MED12: variants seen among roughly 807,000 people sequenced by gnomAD.
The protein encoded by MED12 is mediator complex subunit 12.
In MED12, 10 loss-of-function variants were observed where a neutral mutation model predicts 177.7. The ratio of observed to expected loss-of-function variants is 0.06; its 90% CI spans 0.03 to 0.10. The LOEUF is 0.10. MED12 is among the 10% of genes least tolerant of loss of function. The pLI is 1.00. For synonymous variants in MED12, 641 were observed against 678.4 expected, an observed-to-expected ratio of 0.94 and a Z score of 0.86; for missense variants, 867 against 1,780.8, an observed-to-expected ratio of 0.49 and a Z score of 9.23.
At chrX:71,125,574 C>G in intron 16 of MED12, 79 bp downstream of exon 16, 1 of 1,179,895 alleles carries the variant, frequency 8.5e-7, no homozygotes, top group Non-Finnish European at 1.2e-6. Flanking sequence ...TAGGGAACTC[C>G]CCAGTCATGT....
At chrX:71,119,322 T>G (rs2092283322) in intron 1 of MED12, 51 bp from the exon 2 acceptor site, 2 of 926,032 alleles carry the variant, frequency 2.2e-6, no homozygotes, top group Non-Finnish European at 3.1e-6. Context: ...CTCCCACCCC[T>G]TCCCCCTTCC....
In MED12 at chrX:71,140,857, G is replaced by T; in HGVS notation, c.6267G>T (p.Arg2089=). Residue 2089 remains arginine, a splice_region_variant and synonymous_variant, in exon 42 of 45, where the codon CGG becomes CGT. Transcript: ENST00000374080. ...AGCAGCAGCAGCAGCAGATCCTGCG[G>T]GTAAGGCACTGGGATTTCATCTGGG... The part of the protein sequence containing the change: ...IRQQQQQQIL[R]QQQQQQQQQQ... 8.3e-7 allele frequency: 1 copy of T among 1,204,925 alleles called. No homozygotes were observed. Among genetic ancestry groups the T allele is most frequent in the Non-Finnish European group, 1.1e-6 (1 of 895,072 alleles).
At chrX:71,123,295 A>T (rs1006224436) in intron 11 of MED12, 69 bp downstream of exon 11, 5 of 1,159,745 alleles carry the variant, frequency 4.3e-6, no homozygotes, top group Non-Finnish European at 5.9e-6. Context: ...GGAGACCGAG[A>T]GATGGAGGTG....
intron 18 of MED12, 72 bp from the exon 19 acceptor site, chrX:71,126,269 A>G (rs1345778628): frequency 8.5e-6 from 10 of 1,182,910 alleles, no homozygotes; most frequent in African/African-American, 1.8e-5. Flanking sequence ...ATCCCCTTCC[A>G]GTGTCATCCT....
At chrX:71,136,810 A>G (rs988002076) in intron 37 of MED12, 69 bp from the exon 38 acceptor site, 25 of 1,195,425 alleles carry the variant, frequency 2.1e-5, no homozygotes, top group Admixed American at 2.0e-4. Context: ...TCTTTACCTC[A>G]TTCTCCCCCA....
rs1032542640 is a variant in MED12, at chrX:71,140,877, T to C, written c.6267+20T>C. 2.2e-5 allele frequency: 26 copies of C among 1,199,044 alleles called. No homozygotes were observed. The highest frequency in any genetic ancestry group is 2.7e-5 in the Non-Finnish European group (24 of 893,867). Reference sequence around the variant, plus strand: ...CTGCGGGTAAGGCACTGGGATTTCATCTGGGACCTGGGAGCCCAGGGAGGA... The same window carrying C: ...CTGCGGGTAAGGCACTGGGATTTCACCTGGGACCTGGGAGCCCAGGGAGGA... On this transcript the variant is annotated intron_variant, in intron 42 of 44. Coordinates refer to ENST00000374080, the MANE Select transcript of MED12 (RefSeq NM_005120.3).
chrX:71,136,765 CATA>C, intron 37 of MED12, 110 bp downstream of exon 37: 1 of 1,184,135 alleles, frequency 8.4e-7, no homozygotes. Flanking sequence ...CCATTAGAAT[CATA>C]ATAAAAATTA....
Position 71,129,696 on chromosome X carries a change from A to T in MED12, c.3708A>T (p.Lys1236Asn). Residue 1236 changes from lysine (K) to asparagine (N), a missense_variant, in exon 27 of 45, where the codon AAA becomes AAT. Coordinates refer to ENST00000374080, the MANE Select transcript of MED12 (RefSeq NM_005120.3). ...AVFVLGDAEL[K>N]GSGFTVTGGT... ...GAACCACAGGGGATGCGGAACTGAA[A>T]GGTTCAGGCTTCACTGTGACAGGAG... 1 of 1,192,333 alleles carries T rather than the reference A, an allele frequency of 8.4e-7. No homozygotes were observed. The highest frequency in any genetic ancestry group is 2.3e-5 in the Admixed American group (1 of 42,872).
rs1209035119 is a variant in MED12 at position 71,123,594 on chromosome X, C to G, written c.1618C>G (p.Arg540Gly). Residue 540 changes from arginine to glycine, a missense_variant and splice_region_variant, in exon 12 of 45, where the codon CGT (arginine) becomes GGT (glycine). Coordinates refer to ENST00000374080, the MANE Select transcript of MED12 (RefSeq NM_005120.3). ...EKRQAEIEAE[R>G]CGESEAADEK... ...TACAATTTGTTCTGTCATCTTGCAG[C>G]GTTGTGGAGAATCAGAAGCCGCAGA... is the stretch of plus-strand genomic sequence containing the variant. 8.3e-7 allele frequency: 1 copy of G among 1,210,902 alleles called. No homozygotes were observed. Among genetic ancestry groups the G allele is most frequent in the Non-Finnish European group, 1.1e-6 (1 of 895,012 alleles).
chrX:71,132,762 TCTCTC>T (rs1305374328), intron 31 of MED12, 78 bp from the exon 32 acceptor site: 33 of 733,013 alleles, frequency 4.5e-5, no homozygotes, highest in Middle Eastern at 4.6e-4. Context: ...CCTCTCCTCT[TCTCTC>T]CTCTTCTCTT....
chrX:71,119,426 C>T lies in MED12; in HGVS notation c.153C>T (p.Val51=). The change falls in exon 2 of 45, where the codon GTC becomes GTT. Residue 51 remains valine, a synonymous_variant. Coordinates refer to ENST00000374080, the MANE Select transcript of MED12 (RefSeq NM_005120.3). ...VKQGFNNQPA[V]SGDEHGSAKN... ...AAGGTTTCAATAACCAGCCTGCTGT[C>T]TCTGGGGATGAGCATGGCAGTGCCA... 1.6e-5 allele frequency: 19 copies of T among 1,201,624 alleles called. No individual in the cohort carries two copies. The highest frequency in any genetic ancestry group is 2.1e-5 in the Non-Finnish European group (19 of 889,642).
intron 13 of MED12, 109 bp from the exon 14 acceptor site, chrX:71,124,655 T>A (rs1471733881): frequency 1.6e-6 from 1 of 629,634 alleles, no homozygotes; most frequent in African/African-American, 2.2e-5. Context: ...CCAGATCCTG[T>A]GCTTTCCCCA....
In MED12 at chrX:71,140,824, C is replaced by A; in HGVS notation, c.6234C>A (p.His2078Gln). The A allele has an allele frequency of 8.3e-7, 1 of 1,204,291 alleles. No individual in the cohort carries two copies. Residue 2078 changes from histidine (H) to glutamine (Q), a missense_variant, in exon 42 of 45, where the codon CAC (histidine) becomes CAA (glutamine). His to Gln is a conservative substitution (Grantham distance 24). Around this residue, in one of 14 missense-constraint regions of MED12, gnomAD observed 236 missense variants for 345.2 expected, o/e 0.68. Transcript: ENST00000374080. ...AGCAGCAGCAGCAGCAGCAGTACCA[C>A]ATCCGGCAGCAGCAGCAGCAGCAGA... The part of the protein sequence containing the change: ...QQQQQQQQQY[H>Q]IRQQQQQQIL...
chrX:71,125,833 T>G lies in MED12; in HGVS notation c.2422+120T>G, dbSNP rs73214869. 181,775 of 683,641 alleles carry G rather than the reference T, an allele frequency of 0.27. 20,365 individuals carry two copies. Among genetic ancestry groups the G allele is most frequent in the Middle Eastern group, 0.42 (1,424 of 3,379 alleles). The allele number at this position is 683,641 out of a possible 1,213,427, so 56.3% of individuals were successfully genotyped here. A position where few individuals can be genotyped will look rare whatever the true frequency, so the allele number is the denominator to read the frequency against. On this transcript the variant is annotated intron_variant, in intron 17 of 44. Coordinates refer to ENST00000374080, the MANE Select transcript of MED12 (RefSeq NM_005120.3). ...AGTCTGTGGTCCTCTAAACCTTTGC[T>G]TCACTGTCCCCTTCCCTTCATTCCT...
intron 41 of MED12, among the ~76,000 whole-genome samples, chrX:71,140,303 A>G (rs1247133994): frequency 8.3e-5 from 9 of 108,792 alleles, no homozygotes; most frequent in Admixed American, 2.9e-4. Flanking sequence ...GCTGGTCTAG[A>G]ACTCCTGACC....
At position 71,119,379 on chromosome X, in the gene MED12, C is replaced by A. The variant is rs2147769903; in HGVS notation, c.106C>A (p.Leu36Met). ...PQDPKQKEDE[L>M]TALNVKQGFN... ...CGCCGCTTTCCTGCCTCAGGATGAA[C>A]TGACGGCCTTGAATGTAAAACAAGG... Residue 36 changes from leucine (L) to methionine (M), a missense_variant, in exon 2 of 45, where the codon CTG becomes ATG. Coordinates refer to ENST00000374080, the MANE Select transcript of MED12 (RefSeq NM_005120.3). The A allele has an allele frequency of 2.5e-6, 3 of 1,192,485 alleles. No individual in the cohort carries two copies. The highest frequency in any genetic ancestry group is 3.4e-6 in the Non-Finnish European group (3 of 883,923).
chrX:71,127,980 C>T lies in MED12; in HGVS notation c.3069C>T (p.Ile1023=), dbSNP rs753751305. 5 of 1,208,976 alleles carry T rather than the reference C, an allele frequency of 4.1e-6. No individual in the cohort carries two copies. Among genetic ancestry groups the T allele is most frequent in the South Asian group, 3.5e-5 (2 of 56,772 alleles). Residue 1023 remains isoleucine (I), a synonymous_variant, in exon 22 of 45, where the codon ATC becomes ATT. Coordinates refer to ENST00000374080, the MANE Select transcript of MED12 (RefSeq NM_005120.3). ...SNMRWAPEFM[I]DTLENPAAHT... The stretch of plus-strand genomic sequence containing the variant: ...TGCGCTGGGCACCTGAGTTCATGAT[C>T]GACACTCTAGAGAACCCTGCAGCTC...
intron 30 of MED12, 53 bp from the exon 31 acceptor site, chrX:71,132,324 T>G: frequency 8.3e-7 from 1 of 1,198,047 alleles, no homozygotes. Flanking sequence ...GGATAGATTG[T>G]TCCAGCCTTG....
chrX:71,130,041 G>A lies in MED12; in HGVS notation c.3874G>A (p.Val1292Ile), dbSNP rs1175702588. 1 of 1,206,572 alleles carries A rather than the reference G, an allele frequency of 8.3e-7. No individual in the cohort carries two copies. Among genetic ancestry groups the A allele is most frequent in the Admixed American group, 2.2e-5 (1 of 45,423 alleles). Reference sequence around the variant, plus strand: ...TGATTGTCAGCTTCCTCAGGAATGGGTAGGAGAACGTTGCCTTAAGTCTCT... The same window carrying A: ...TGATTGTCAGCTTCCTCAGGAATGGATAGGAGAACGTTGCCTTAAGTCTCT... ...VLRSICQQEW[V>I]GERCLKSLCE... The change falls in exon 28 of 45, where the codon GTA becomes ATA. Residue 1292 changes from valine to isoleucine, a missense_variant. By Grantham distance (29) the Val-to-Ile change is conservative (BLOSUM62 3). This residue lies in a region of MED12 where 11 missense variants were observed against 48.4 expected (regional missense o/e 0.23). Coordinates refer to ENST00000374080, the MANE Select transcript of MED12 (RefSeq NM_005120.3).
Sources: gnomAD v4.1 joint callset for allele counts (sites outside exome capture counted in the v4.1 genomes callset) on GRCh38, gnomAD v4.1.1 for gene constraint, gnomAD v4.1.1 regional missense constraint, MANE v1.5 for transcripts, NCBI Gene and HGNC (gene_info 2026-07-23, HGNC 2026-07-21) for gene names.